SYNRG: variants seen among roughly 807,000 people sequenced by gnomAD.
SYNRG encodes the protein AP1 gamma subunit binding protein 1.
SYNRG carries 37 observed loss-of-function variants against 130.9 expected under a neutral mutation model. The observed-to-expected ratio is 0.28, with a 90% CI of 0.22 to 0.37. SYNRG has a LOEUF of 0.37. Ranked by LOEUF, SYNRG falls within the 10% of genes least tolerant of loss-of-function variation. The probability of loss-of-function intolerance (pLI) is 1.00; values close to 1 mark genes in which losing one functional copy is unlikely to be tolerated. For synonymous variants in SYNRG, 539 were observed against 568.1 expected, an observed-to-expected ratio of 0.95 and a Z score of 0.73; for missense variants, 1,338 against 1,588.9, an observed-to-expected ratio of 0.84 and a Z score of 2.68.
At chr17:37,601,478 C>T (rs2063279948) in intron 1 of SYNRG, among the ~76,000 whole-genome samples, 1 of 151,996 alleles carries the variant, frequency 6.6e-6, no homozygotes, top group Non-Finnish European at 1.5e-5. Context: ...CATTTTTAAC[C>T]ATTTTTAAGT....
chr17:37,543,114 C>T (rs895533156), intron 14 of SYNRG, among the ~76,000 whole-genome samples: 1 of 152,132 alleles, frequency 6.6e-6, no homozygotes, highest in African/African-American at 2.4e-5. Flanking sequence ...GAATTTCTGT[C>T]TCAGGCAATG....
chr17:37,538,802 T>C (rs568746627), intron 17 of SYNRG, among the ~76,000 whole-genome samples: 3 of 152,042 alleles, frequency 2.0e-5, no homozygotes, highest in African/African-American at 4.8e-5. Context: ...ACCATGTTGG[T>C]CAGGCTGGTC....
chr17:37,585,472 T>C, intron 4 of SYNRG, 42 bp from the exon 5 acceptor site: 1 of 1,318,398 alleles, frequency 7.6e-7, no homozygotes, highest in Non-Finnish European at 1.1e-6. Context: ...CTCCCGGGAT[T>C]ATACACTGTG....
intron 14 of SYNRG, among the ~76,000 whole-genome samples, chr17:37,548,604 G>A (rs2058462352): frequency 6.6e-6 from 1 of 151,650 alleles, no homozygotes; most frequent in Non-Finnish European, 1.5e-5. Context: ...GATCACCTGA[G>A]GTCAGGAGTT....
At chr17:37,531,524 C>T (rs2036799529) in intron 19 of SYNRG, among the ~76,000 whole-genome samples, 1 of 151,996 alleles carries the variant, frequency 6.6e-6, no homozygotes, top group Admixed American at 6.6e-5. Flanking sequence ...GCCTGTAATC[C>T]CAGTACTTTG....
At chr17:37,524,539 T>C (rs2055584779) in intron 19 of SYNRG, among the ~76,000 whole-genome samples, 1 of 152,268 alleles carries the variant, frequency 6.6e-6, no homozygotes, top group African/African-American at 2.4e-5. Flanking sequence ...GTGTAGGTGA[T>C]CAAAGTAAAC....
At chr17:37,519,554 A>C (rs1030149813) in intron 21 of SYNRG, among the ~76,000 whole-genome samples, 4 of 152,220 alleles carry the variant, frequency 2.6e-5, no homozygotes, top group African/African-American at 7.2e-5. Flanking sequence ...AGAGTTAGAG[A>C]ACGACAGATA....
At chr17:37,555,905 CAAAAAT>C (rs2059086247) in intron 13 of SYNRG, among the ~76,000 whole-genome samples, 1 of 151,424 alleles carries the variant, frequency 6.6e-6, no homozygotes, top group Admixed American at 6.6e-5. Flanking sequence ...GATTCTGTCT[CAAAAAT>C]AAAAATAAAA....
At chr17:37,585,734 A>G (rs1178341599) in intron 4 of SYNRG, among the ~76,000 whole-genome samples, 3 of 152,244 alleles carry the variant, frequency 2.0e-5, no homozygotes, top group Non-Finnish European at 2.9e-5. Flanking sequence ...GCAGACAAAC[A>G]TAAGAACACA....
intron 19 of SYNRG, among the ~76,000 whole-genome samples, chr17:37,528,002 A>G (rs1015813882): frequency 6.6e-6 from 1 of 152,214 alleles, no homozygotes; most frequent in African/African-American, 2.4e-5. Context: ...GAACAGCCTC[A>G]CAGAGTCTTC....
At chr17:37,601,423 G>A (rs1598663220) in intron 1 of SYNRG, among the ~76,000 whole-genome samples, 1 of 152,078 alleles carries the variant, frequency 6.6e-6, no homozygotes, top group African/African-American at 2.4e-5. Context: ...GTTGTCAGAG[G>A]TTTTATTGTT....
intron 13 of SYNRG, among the ~76,000 whole-genome samples, chr17:37,556,853 C>T (rs893410777): frequency 6.6e-6 from 1 of 152,146 alleles, no homozygotes; most frequent in East Asian, 1.9e-4. Flanking sequence ...TTTATCACAG[C>T]CTAAATTTTT....
intron 8 of SYNRG, 106 bp downstream of exon 8, chr17:37,576,235 T>A (rs969682104): frequency 3.7e-6 from 4 of 1,082,480 alleles, no homozygotes; most frequent in Middle Eastern, 2.1e-4. Context: ...AAGTGACAAC[T>A]CCTCCTGCAT....
chr17:37,558,171 C>T (rs972661627), intron 13 of SYNRG, among the ~76,000 whole-genome samples: 3 of 152,154 alleles, frequency 2.0e-5, no homozygotes, highest in African/African-American at 7.2e-5. Flanking sequence ...GGATAAAACA[C>T]AAGAAAATAT....
chr17:37,545,785 A>T (rs536647295), intron 14 of SYNRG, among the ~76,000 whole-genome samples: 1 of 152,228 alleles, frequency 6.6e-6, no homozygotes, highest in Non-Finnish European at 1.5e-5. Context: ...AGTCACTAAA[A>T]TCAAGCCTCA....
chr17:37,567,708 G>C (rs1465882046), intron 11 of SYNRG: 2 of 152,142 alleles, frequency 1.3e-5, no homozygotes, highest in African/African-American at 4.8e-5. Flanking sequence ...TCTTGTTACA[G>C]TGTGTATGCA....
At chr17:37,542,708 T>A in intron 14 of SYNRG, 143 bp from the exon 15 acceptor site, 1 of 668,238 alleles carries the variant, frequency 1.5e-6, no homozygotes, top group East Asian at 2.7e-5. Context: ...GTACTAAAAT[T>A]AAGAGTTGGG....
At chr17:37,563,365 A>G (rs1488074108) in intron 11 of SYNRG, among the ~76,000 whole-genome samples, 1 of 152,212 alleles carries the variant, frequency 6.6e-6, no homozygotes, top group African/African-American at 2.4e-5. Context: ...CATTTTCTCT[A>G]GTGAATCTAT....
rs143491502 is a variant in SYNRG, at chr17:37,577,479, T to C, written c.724A>G (p.Met242Val). 57 of 1,614,190 alleles carry C rather than the reference T, an allele frequency of 3.5e-5. 1 individual carries two copies. In the Admixed American group the frequency reaches 4.2e-4, roughly 12 times the overall value. Residue 242 changes from methionine to valine, a missense_variant, in exon 7 of 22, where the codon ATG (methionine) becomes GTG (valine). This residue lies in a region of SYNRG where 1,146 missense variants were observed against 1,342.3 expected (regional missense o/e 0.85). Transcript: ENST00000612223. ...TCTACAGCAACCCCGTTACTGGCCATTAAACTGGGATACTTCTTACTGGAA... is the reference window on the plus strand; with the variant it reads ...TCTACAGCAACCCCGTTACTGGCCACTAAACTGGGATACTTCTTACTGGAA... ...PGSSKKYPSL[M>V]ASNGVAVDGC...
Sources: gnomAD v4.1 joint callset for allele counts (sites outside exome capture counted in the v4.1 genomes callset) on GRCh38, gnomAD v4.1.1 for gene constraint, gnomAD v4.1.1 regional missense constraint, MANE v1.5 for transcripts, NCBI Gene and HGNC (gene_info 2026-07-23, HGNC 2026-07-21) for gene names.